COP1: variants seen among roughly 807,000 people sequenced by gnomAD.
COP1 encodes COP1 E3 ubiquitin ligase, also known as E3 ubiquitin-protein ligase COP1.
In COP1, 24 loss-of-function variants were observed where a neutral mutation model predicts 101.3. The ratio of observed to expected loss-of-function variants is 0.24; its 90% CI spans 0.17 to 0.33. The LOEUF is 0.33. Ranked by LOEUF, COP1 falls within the 10% of genes least tolerant of loss-of-function variation. COP1 has a pLI of 1.00. For missense variants in COP1, 663 were observed against 906.2 expected, an observed-to-expected ratio of 0.73 and a Z score of 3.45; for synonymous variants, 347 against 341.9, an observed-to-expected ratio of 1.01 and a Z score of -0.17.
intron 5 of COP1, among the ~76,000 whole-genome samples, chr1:176,150,650 G>C (rs1257365393): frequency 6.6e-6 from 1 of 152,198 alleles, no homozygotes; most frequent in Non-Finnish European, 1.5e-5. Context: ...GTAACTCCAA[G>C]TTAATAAAGT....
chr1:176,162,971 C>A lies in COP1; in HGVS notation c.660G>T (p.Gln220His). ...SVSSTNGHRWQIFQDWLGTDQ... is the reference protein window; with the variant it reads ...SVSSTNGHRWHIFQDWLGTDQ... ...CAGTTCCCAACCAATCTTGAAATATCTGCCACCTGTGGCCATTCTAAAAAT... is the reference window on the plus strand; with the variant it reads ...CAGTTCCCAACCAATCTTGAAATATATGCCACCTGTGGCCATTCTAAAAAT... The change falls in exon 5 of 20, where the codon CAG (glutamine) becomes CAT (histidine). Residue 220 changes from glutamine to histidine, a missense_variant. This residue lies in a region of COP1 where 212 missense variants were observed against 240.7 expected (regional missense o/e 0.88). Transcript: ENST00000367669. 1 of 1,604,818 alleles carries A rather than the reference C, an allele frequency of 6.2e-7. No individual in the cohort carries two copies. The highest frequency in any genetic ancestry group is 8.5e-7 in the Non-Finnish European group (1 of 1,175,996).
At chr1:176,172,899 A>C (rs1696303028) in intron 3 of COP1, among the ~76,000 whole-genome samples, 1 of 152,230 alleles carries the variant, frequency 6.6e-6, no homozygotes, top group Non-Finnish European at 1.5e-5. Context: ...AGAAGAGGTA[A>C]TCAGCAGAAA....
intron 8 of COP1, among the ~76,000 whole-genome samples, chr1:176,119,393 T>C (rs1572352990): frequency 6.6e-6 from 1 of 152,066 alleles, no homozygotes; most frequent in Admixed American, 6.5e-5. Flanking sequence ...ATGAATGATA[T>C]TGATATCTCA....
At chr1:176,081,311 G>C in intron 10 of COP1, 24 bp from the exon 11 acceptor site, 1 of 1,211,506 alleles carries the variant, frequency 8.3e-7, no homozygotes, top group Non-Finnish European at 1.1e-6. Flanking sequence ...AAAAAAAAAA[G>C]ACAAAACAGA....
intron 15 of COP1, among the ~76,000 whole-genome samples, chr1:175,991,058 C>T (rs1281964909): frequency 6.6e-6 from 1 of 152,070 alleles, no homozygotes; most frequent in East Asian, 1.9e-4. Context: ...AATCAAAGCT[C>T]CAAATGCTTC....
At chr1:175,990,757 T>G (rs1158151583) in intron 15 of COP1, among the ~76,000 whole-genome samples, 1 of 152,170 alleles carries the variant, frequency 6.6e-6, no homozygotes, top group African/African-American at 2.4e-5. Context: ...CTACTCTAAG[T>G]ATATTCTGTT....
chr1:175,993,286 G>T (rs2148787711), intron 15 of COP1, among the ~76,000 whole-genome samples: 1 of 152,296 alleles, frequency 6.6e-6, no homozygotes, highest in Admixed American at 6.5e-5. Flanking sequence ...AAACCACAAA[G>T]ATGGGGAAAA....
chr1:176,142,117 A>C (rs952082460), intron 6 of COP1, among the ~76,000 whole-genome samples: 1 of 152,214 alleles, frequency 6.6e-6, no homozygotes, highest in Non-Finnish European at 1.5e-5. Flanking sequence ...GGGACAAAAT[A>C]AGATGGCTTA....
chr1:176,140,999 T>C (rs962349104), intron 6 of COP1, among the ~76,000 whole-genome samples: 7 of 152,298 alleles, frequency 4.6e-5, no homozygotes, highest in South Asian at 2.1e-4. Context: ...AGATAATAGA[T>C]AGACTCTCCC....
chr1:176,123,288 G>A (rs1021480691), intron 8 of COP1, among the ~76,000 whole-genome samples: 4 of 152,098 alleles, frequency 2.6e-5, no homozygotes, highest in Admixed American at 1.3e-4. Flanking sequence ...ATGGGACTTC[G>A]GTAGGAGAGA....
At chr1:176,096,006 C>A (rs1270044151) in intron 9 of COP1, among the ~76,000 whole-genome samples, 2 of 152,190 alleles carry the variant, frequency 1.3e-5, no homozygotes, top group East Asian at 3.9e-4. Context: ...TGTACTTTAT[C>A]TGCTAGCAGG....
chr1:176,137,483 G>C (rs184448610), intron 6 of COP1, among the ~76,000 whole-genome samples: 2 of 152,228 alleles, frequency 1.3e-5, no homozygotes, highest in East Asian at 3.9e-4. Flanking sequence ...CCAGGATGCG[G>C]TTGTCTTACT....
At chr1:175,973,419 C>T (rs1223492218) in intron 18 of COP1, among the ~76,000 whole-genome samples, 1 of 151,320 alleles carries the variant, frequency 6.6e-6, no homozygotes, top group Non-Finnish European at 1.5e-5. Flanking sequence ...AAATAAAATA[C>T]ATGAAGTCAG....
chr1:175,963,983 T>C (rs1056359920), intron 18 of COP1, among the ~76,000 whole-genome samples: 1 of 152,218 alleles, frequency 6.6e-6, no homozygotes, highest in Non-Finnish European at 1.5e-5. Flanking sequence ...GTATATAAAA[T>C]GTTAAAGATG....
At chr1:176,107,373 G>C (rs1042653372) in intron 9 of COP1, among the ~76,000 whole-genome samples, 2 of 151,976 alleles carry the variant, frequency 1.3e-5, no homozygotes, top group Non-Finnish European at 2.9e-5. Flanking sequence ...TCCAGGACTG[G>C]AGCAAGGTCA....
At chr1:175,994,103 G>A (rs1249540983) in intron 15 of COP1, among the ~76,000 whole-genome samples, 2 of 152,158 alleles carry the variant, frequency 1.3e-5, no homozygotes, top group South Asian at 4.1e-4. Flanking sequence ...CATTCCTAAA[G>A]AAAAGAATTT....
At chr1:176,052,185 A>G (rs1224593797) in intron 11 of COP1, among the ~76,000 whole-genome samples, 1 of 152,130 alleles carries the variant, frequency 6.6e-6, no homozygotes, top group Non-Finnish European at 1.5e-5. Context: ...ATACACAAAT[A>G]CCATTGTGTT....
chr1:176,012,715 C>T (rs931693940), intron 15 of COP1, among the ~76,000 whole-genome samples: 1 of 152,060 alleles, frequency 6.6e-6, no homozygotes, highest in African/African-American at 2.4e-5. Flanking sequence ...AGCTTTTCTA[C>T]ATTTAGATAC....
intron 5 of COP1, among the ~76,000 whole-genome samples, chr1:176,157,523 A>G (rs553104775): frequency 4.2e-4 from 64 of 152,272 alleles, no homozygotes; most frequent in African/African-American, 1.5e-3. Context: ...GAGTAGAAAA[A>G]CCAAGAAATA....
Sources: gnomAD v4.1 joint callset for allele counts (sites outside exome capture counted in the v4.1 genomes callset) on GRCh38, gnomAD v4.1.1 for gene constraint, gnomAD v4.1.1 regional missense constraint, MANE v1.5 for transcripts, NCBI Gene and HGNC (gene_info 2026-07-23, HGNC 2026-07-21) for gene names.